ATP9B: variants seen among roughly 807,000 people sequenced by gnomAD.
The protein encoded by ATP9B is ATPase phospholipid transporting 9B.
Under a neutral mutation model 146.1 loss-of-function variants are expected in ATP9B, and 110 were observed. That is an observed-to-expected ratio of 0.75 (90% CI 0.65 to 0.88). The LOEUF is 0.88. ATP9B is among the 40% of genes least tolerant of loss of function. The probability of loss-of-function intolerance (pLI) is 0.00; values close to 1 mark genes in which losing one functional copy is unlikely to be tolerated. For missense variants in ATP9B, 1,499 were observed against 1,496.4 expected (o/e 1.00, Z -0.03); for synonymous variants, 604 against 569.7 (o/e 1.06, Z -0.86).
At chr18:79,219,809 T>C (rs1600590959) in intron 11 of ATP9B, among the ~76,000 whole-genome samples, 1 of 152,186 alleles carries the variant, frequency 6.6e-6, no homozygotes. Flanking sequence ...TAAAATCTGA[T>C]ATAAGAAAGA....
At chr18:79,350,665 G>A (rs1278309481) in intron 25 of ATP9B, among the ~76,000 whole-genome samples, 3 of 152,044 alleles carry the variant, frequency 2.0e-5, no homozygotes, top group African/African-American at 7.3e-5. Flanking sequence ...GTTTCCTATA[G>A]TACTTCAAAC....
At position 79,253,385 on chromosome 18, in the gene ATP9B, GT is replaced by G; in HGVS notation, c.1115del (p.Leu372CysfsTer9). The G allele has an allele frequency of 6.2e-7, 1 of 1,604,496 alleles. No individual in the cohort carries two copies. Among genetic ancestry groups the G allele is most frequent in the Non-Finnish European group, 8.5e-7 (1 of 1,177,610 alleles). ...TATTATGTGTTTTTCTTTCAGGTTG[GT>G]TTGTTGGACCTTGAACTCAATCGGC... ...MNTSNPKNKVGLLDLELNRLT... is the reference protein window; with the variant it reads ...MNTSNPKNKVXLLDLELNRLT... On this transcript the variant is annotated frameshift_variant, in exon 12 of 30. Transcript: ENST00000426216. LOFTEE classifies it high-confidence loss of function.
chr18:79,330,545 T>C (rs941504576), intron 17 of ATP9B, among the ~76,000 whole-genome samples: 2 of 152,072 alleles, frequency 1.3e-5, no homozygotes, highest in Non-Finnish European at 2.9e-5. Flanking sequence ...CCCAAGTAGC[T>C]GGGACTACAG....
chr18:79,177,738 C>G (rs577101252), intron 8 of ATP9B, among the ~76,000 whole-genome samples: 3 of 152,196 alleles, frequency 2.0e-5, no homozygotes, highest in Admixed American at 2.0e-4. Flanking sequence ...TCTATTTTCT[C>G]TCTGTACCTC....
At chr18:79,099,368 T>C (rs551733446) in intron 2 of ATP9B, among the ~76,000 whole-genome samples, 4 of 152,202 alleles carry the variant, frequency 2.6e-5, no homozygotes, top group Non-Finnish European at 4.4e-5. Flanking sequence ...ACTACAGATG[T>C]GCACCAGCAT....
At chr18:79,207,248 G>GC (rs1281322216) in intron 10 of ATP9B, among the ~76,000 whole-genome samples, 2 of 152,222 alleles carry the variant, frequency 1.3e-5, no homozygotes, top group Non-Finnish European at 2.9e-5. Flanking sequence ...AGGTGCTGCA[G>GC]CCTTCGTGCA....
In ATP9B at chr18:79,270,444, C is replaced by T. The variant is rs565407966; in HGVS notation, c.1269-6610C>T. On this transcript the variant is annotated intron_variant, in intron 12 of 29. Transcript: ENST00000426216. ...AAATTTGCCACTGCTTGACTTTATC[C>T]AATACATATTTAAACCTTGATTTCA... is the stretch of plus-strand genomic sequence containing the variant. Among the ~76,000 whole-genome samples the T allele has an allele frequency of 2.0e-4, 30 of 152,134 alleles. No homozygotes were observed. In the South Asian group the frequency reaches 6.2e-3, roughly 32 times the overall value.
At chr18:79,153,990 G>C (rs1160386253) in intron 6 of ATP9B, among the ~76,000 whole-genome samples, 21 of 131,796 alleles carry the variant, frequency 1.6e-4, no homozygotes, top group African/African-American at 6.2e-4. Context: ...ATGGAGTCTC[G>C]CTCTGTCACC....
intron 5 of ATP9B, among the ~76,000 whole-genome samples, chr18:79,138,155 A>G (rs1438309355): frequency 1.3e-5 from 2 of 152,196 alleles, no homozygotes; most frequent in Non-Finnish European, 2.9e-5. Context: ...TTTTTGTTCA[A>G]CTAGAATTTT....
At chr18:79,072,576 G>A (rs1432162151) in intron 1 of ATP9B, among the ~76,000 whole-genome samples, 1 of 118,632 alleles carries the variant, frequency 8.4e-6, no homozygotes, top group East Asian at 2.1e-4. Flanking sequence ...GTAACAATCT[G>A]ATCTCTCTTT....
chr18:79,186,219 A>T (rs2095307229), intron 8 of ATP9B, among the ~76,000 whole-genome samples: 1 of 152,240 alleles, frequency 6.6e-6, no homozygotes, highest in Admixed American at 6.5e-5. Context: ...TTATTGAACG[A>T]AAGGCAATTT....
intron 9 of ATP9B, among the ~76,000 whole-genome samples, chr18:79,197,231 TAGG>T (rs1475601256): frequency 3.3e-5 from 5 of 152,270 alleles, no homozygotes; most frequent in Admixed American, 6.5e-5. Context: ...TTTTGTATCA[TAGG>T]AGAAATATAA....
chr18:79,356,152 G>T (rs577913837), intron 25 of ATP9B, among the ~76,000 whole-genome samples: 1 of 152,142 alleles, frequency 6.6e-6, no homozygotes. Context: ...AATGATGAGC[G>T]CATCGTCAGC....
At position 79,206,981 on chromosome 18, in the gene ATP9B, T is replaced by C; in HGVS notation, c.999T>C (p.Asn333=). The change falls in exon 10 of 30, where the codon AAT becomes AAC. Residue 333 remains asparagine (N), a synonymous_variant. Coordinates refer to ENST00000426216, the MANE Select transcript of ATP9B (RefSeq NM_198531.5). The stretch of plus-strand genomic sequence containing the variant: ...TTCATGAAAGTCTCAGCATAGAAAA[T>C]ACATTGTGGGCAAGCACCATTGTTG... ...PPIHESLSIE[N]TLWASTIVAS... 1.2e-6 allele frequency: 2 copies of C among 1,613,800 alleles called. No homozygotes were observed. The highest frequency in any genetic ancestry group is 8.5e-7 in the Non-Finnish European group (1 of 1,179,678).
chr18:79,352,963 T>G (rs1600291132), intron 25 of ATP9B: 1 of 152,398 alleles, frequency 6.6e-6, no homozygotes, highest in Middle Eastern at 3.4e-3. Flanking sequence ...CAGTTTTGTT[T>G]TTAAGATGAA....
intron 11 of ATP9B, among the ~76,000 whole-genome samples, chr18:79,245,489 C>T (rs566721745): frequency 6.6e-6 from 1 of 152,312 alleles, no homozygotes; most frequent in Admixed American, 6.5e-5. Context: ...ACAATGTTAT[C>T]AACTTAGTTT....
intron 11 of ATP9B, among the ~76,000 whole-genome samples, chr18:79,221,971 A>G (rs146416174): frequency 3.3e-5 from 5 of 151,026 alleles, no homozygotes; most frequent in African/African-American, 7.3e-5. Flanking sequence ...AATTTTAAAC[A>G]TACAGAAAAC....
At chr18:79,312,410 G>A (rs997357798) in intron 15 of ATP9B, among the ~76,000 whole-genome samples, 3 of 152,214 alleles carry the variant, frequency 2.0e-5, no homozygotes, top group Admixed American at 6.5e-5. Flanking sequence ...GCACTCGCTC[G>A]TTTGCTTCTT....
intron 11 of ATP9B, among the ~76,000 whole-genome samples, chr18:79,218,359 T>A (rs2095647564): frequency 2.0e-5 from 3 of 151,258 alleles, no homozygotes; most frequent in Admixed American, 1.3e-4. Context: ...CAGCTCCTGC[T>A]TCTTGTCATG....
Sources: allele counts gnomAD v4.1 joint callset (sites outside exome capture counted in the v4.1 genomes callset), GRCh38; gene constraint gnomAD v4.1.1; transcripts MANE v1.5; gene names NCBI Gene and HGNC (gene_info 2026-07-23, HGNC 2026-07-21).